TGFBR3: variants seen among roughly 807,000 people sequenced by gnomAD.
TGFBR3 encodes the protein transforming growth factor beta receptor type 3.
In TGFBR3, 46 loss-of-function variants were observed where a neutral mutation model predicts 87.9. The observed-to-expected ratio is 0.52, with a 90% confidence interval of 0.41 to 0.67. The LOEUF (loss-of-function observed/expected upper bound fraction) is 0.67, where lower values mean the gene tolerates loss of function less well. Among genes scored for constraint, TGFBR3 ranks in the 30% least tolerant of loss-of-function variants. TGFBR3 has a pLI of 0.00. For missense variants in TGFBR3, 866 were observed against 1,041.9 expected, an observed-to-expected ratio of 0.83 and a Z score of 2.32; for synonymous variants, 381 against 391.6, an observed-to-expected ratio of 0.97 and a Z score of 0.32.
At chr1:91,890,806 G>C, upstream of TGFBR3, among the ~76,000 whole-genome samples, 1 of 152,162 alleles carries the variant, frequency 6.6e-6, no homozygotes, top group East Asian at 1.9e-4. Context: ...GGCAGAGTCA[G>C]GTGGCCTGGC....
At chr1:91,740,404 G>A (rs1410791172) in intron 4 of TGFBR3, among the ~76,000 whole-genome samples, 35 of 145,532 alleles carry the variant, frequency 2.4e-4, no homozygotes, top group Admixed American at 2.1e-3. Flanking sequence ...TCGCTCTGTC[G>A]CCCAGGCTGG....
chr1:91,840,377 A>T (rs934251688), intron 2 of TGFBR3, among the ~76,000 whole-genome samples: 10 of 151,702 alleles, frequency 6.6e-5, no homozygotes, highest in Non-Finnish European at 1.3e-4. Flanking sequence ...GGAATATTTT[A>T]CCAATGCATG....
intron 14 of TGFBR3, among the ~76,000 whole-genome samples, chr1:91,707,926 C>A (rs1480100498): frequency 6.6e-6 from 1 of 152,202 alleles, no homozygotes; most frequent in Non-Finnish European, 1.5e-5. Context: ...GGCCTCATAT[C>A]CACTCCTAAC....
chr1:91,687,804 CCTT>C (rs1394476030), intron 16 of TGFBR3, among the ~76,000 whole-genome samples: 2 of 152,118 alleles, frequency 1.3e-5, no homozygotes, highest in Non-Finnish European at 2.9e-5. Context: ...TATGGAATCT[CCTT>C]CTCAGGAGAT....
At chr1:91,706,765 T>C (rs1286523399) in intron 14 of TGFBR3, among the ~76,000 whole-genome samples, 1 of 152,218 alleles carries the variant, frequency 6.6e-6, no homozygotes, top group Non-Finnish European at 1.5e-5. Flanking sequence ...AACCCTCTAT[T>C]GGGGTCTGAA....
chr1:91,875,910 C>CAAAAAAAAAA (rs34185299), intron 1 of TGFBR3, among the ~76,000 whole-genome samples: 4 of 64,038 alleles, frequency 6.2e-5, no homozygotes, highest in East Asian at 3.7e-4. Context: ...GACTCCGTCT[C>CAAAAAAAAAA]AAAAAAAAAA....
intron 2 of TGFBR3, among the ~76,000 whole-genome samples, chr1:91,801,515 A>G (rs1344833057): frequency 1.3e-5 from 2 of 152,036 alleles, no homozygotes; most frequent in East Asian, 1.9e-4. Flanking sequence ...TGAAAATAAA[A>G]AAGTGGTCAT....
intron 3 of TGFBR3, among the ~76,000 whole-genome samples, chr1:91,773,667 G>A (rs1394744129): frequency 2.0e-5 from 3 of 152,246 alleles, no homozygotes; most frequent in Non-Finnish European, 4.4e-5. Flanking sequence ...GGGCAACAGA[G>A]CAAGACTCCA....
chr1:91,693,206 C>G (rs1247818715), intron 16 of TGFBR3, among the ~76,000 whole-genome samples: 1 of 152,142 alleles, frequency 6.6e-6, no homozygotes, highest in Admixed American at 6.5e-5. Flanking sequence ...TAAAATGAAC[C>G]AGAGGCTACA....
At chr1:91,739,625 C>T (rs1225010260) in intron 4 of TGFBR3, among the ~76,000 whole-genome samples, 1 of 152,170 alleles carries the variant, frequency 6.6e-6, no homozygotes, top group Non-Finnish European at 1.5e-5. Flanking sequence ...GGTTGTTCAG[C>T]CAACTACCAA....
intron 4 of TGFBR3, among the ~76,000 whole-genome samples, chr1:91,738,186 T>C (rs1557685022): frequency 6.6e-6 from 1 of 152,246 alleles, no homozygotes; most frequent in Non-Finnish European, 1.5e-5. Flanking sequence ...TCTTAGCCTC[T>C]ATAATTGCAT....
At chr1:91,806,877 G>A (rs888499484) in intron 2 of TGFBR3, among the ~76,000 whole-genome samples, 1 of 152,148 alleles carries the variant, frequency 6.6e-6, no homozygotes, top group African/African-American at 2.4e-5. Context: ...TTCTGCCCTT[G>A]GGCTGAAAAT....
chr1:91,686,464 T>C (rs1385021539), intron 16 of TGFBR3, among the ~76,000 whole-genome samples: 1 of 144,242 alleles, frequency 6.9e-6, no homozygotes, highest in African/African-American at 2.6e-5. Flanking sequence ...CCAAGGTGAG[T>C]CTCTGTCTGA....
upstream of TGFBR3, chr1:91,886,310 C>T: frequency 5.2e-6 from 2 of 387,534 alleles, no homozygotes; most frequent in Non-Finnish European, 1.0e-5. Context: ...TCCCGCCTCC[C>T]GCCTCCCGCC....
chr1:91,774,315 T>A (rs1674490126), intron 3 of TGFBR3, among the ~76,000 whole-genome samples: 1 of 152,084 alleles, frequency 6.6e-6, no homozygotes, highest in African/African-American at 2.4e-5. Context: ...TTTTGTATTT[T>A]TAGTAGAGAT....
Position 91,695,751 on chromosome 1 carries a change from G to A in TGFBR3, c.2358C>T (p.Thr786=), listed in dbSNP as rs373480626. ...AGGCTGCAAACGCAATGCCCATCAC[G>A]GTTAGGGTGTCCAGACCATGGAAAA... ...PPIFHGLDTL[T]VMGIAFAAFV... is the part of the protein sequence containing the mutation. Residue 786 remains threonine, a synonymous_variant, in exon 16 of 17, where the codon ACC becomes ACT. Coordinates refer to ENST00000212355, the MANE Select transcript of TGFBR3 (RefSeq NM_003243.5). 12 of 1,614,008 alleles carry A rather than the reference G, an allele frequency of 7.4e-6. No homozygotes were observed. The highest frequency in any genetic ancestry group is 2.7e-5 in the African/African-American group (2 of 74,906).
intron 14 of TGFBR3, among the ~76,000 whole-genome samples, chr1:91,707,405 A>G (rs1203459703): frequency 6.6e-6 from 1 of 152,238 alleles, no homozygotes; most frequent in Non-Finnish European, 1.5e-5. Flanking sequence ...GACACTAGAC[A>G]GTACCTGCAT....
Position 91,680,510 on chromosome 1 carries a change from T to C in TGFBR3, c.*3229A>G, listed in dbSNP as rs1456886918. On this transcript the variant is annotated 3_prime_UTR_variant, in exon 17 of 17. Transcript: ENST00000212355. ...CCACAGGGATTTTAAGGGTACTCGT[T>C]TTACCCTCATAGATGATGAAAACCA... 9 of 453,856 alleles carry C rather than the reference T, an allele frequency of 2.0e-5. No homozygotes were observed. The highest frequency in any genetic ancestry group is 6.0e-5 in the African/African-American group (3 of 49,904). 28.1% of individuals were successfully genotyped at this position (453,856 alleles called of 1,614,324 possible). A position where few individuals can be genotyped will look rare whatever the true frequency, so the allele number is the denominator to read the frequency against.
chr1:91,885,600 C>A (rs1192419023), intron 1 of TGFBR3, among the ~76,000 whole-genome samples: 1 of 152,160 alleles, frequency 6.6e-6, no homozygotes, highest in Admixed American at 6.5e-5. Context: ...TGAGGGCGGG[C>A]GTGGAGAATT....
Sources: allele counts gnomAD v4.1 joint callset (sites outside exome capture counted in the v4.1 genomes callset), GRCh38; gene constraint gnomAD v4.1.1; transcripts MANE v1.5; gene names NCBI Gene and HGNC (gene_info 2026-07-23, HGNC 2026-07-21).